OSBP2: variants seen among roughly 807,000 people sequenced by gnomAD.
The protein encoded by OSBP2 is oxysterol-binding protein 2.
A neutral mutation model predicts 96.0 loss-of-function variants in OSBP2; 66 were observed. That is an observed-to-expected ratio of 0.69 (90% CI 0.56 to 0.84). The LOEUF (loss-of-function observed/expected upper bound fraction) is 0.84, where lower values mean the gene tolerates loss of function less well. OSBP2 is among the 40% of genes least tolerant of loss of function. OSBP2 has a pLI of 0.00. For missense variants in OSBP2, 1,038 were observed against 1,222.7 expected, an observed-to-expected ratio of 0.85 and a Z score of 2.25; for synonymous variants, 525 against 520.9, an observed-to-expected ratio of 1.01 and a Z score of -0.11.
intron 2 of OSBP2, among the ~76,000 whole-genome samples, chr22:30,817,126 C>G (rs138260626): frequency 4.2e-4 from 64 of 152,296 alleles, no homozygotes; most frequent in Non-Finnish European, 5.6e-4. Flanking sequence ...CACATTATCA[C>G]AAATTGCTCT....
chr22:30,738,809 GC>G (rs1393856370), intron 1 of OSBP2, among the ~76,000 whole-genome samples: 2 of 152,160 alleles, frequency 1.3e-5, no homozygotes, highest in African/African-American at 2.4e-5. Context: ...TGATCCACCT[GC>G]CTCCTCCTCC....
intron 3 of OSBP2, among the ~76,000 whole-genome samples, chr22:30,880,545 G>A (rs548472832): frequency 2.0e-4 from 30 of 152,262 alleles, no homozygotes; most frequent in African/African-American, 6.3e-4. Context: ...GCAGGCCTCT[G>A]GTGCCTCCCT....
At chr22:30,730,373 C>T (rs557743878) in intron 1 of OSBP2, among the ~76,000 whole-genome samples, 1 of 152,230 alleles carries the variant, frequency 6.6e-6, no homozygotes, top group South Asian at 2.1e-4. Context: ...GAGTGAGCAC[C>T]TCCCTTATTT....
At chr22:30,822,842 G>A (rs1161709117) in intron 2 of OSBP2, 13 of 724,138 alleles carry the variant, frequency 1.8e-5, no homozygotes, top group Non-Finnish European at 2.5e-5. Context: ...GGGAGCGCGG[G>A]GAGCCTCGGG....
intron 2 of OSBP2, among the ~76,000 whole-genome samples, chr22:30,828,134 G>C (rs1038626524): frequency 6.6e-6 from 1 of 152,178 alleles, no homozygotes; most frequent in Non-Finnish European, 1.5e-5. Flanking sequence ...AGGTGATCTG[G>C]GGGGATTCCT....
At chr22:30,792,174 G>A (rs545133707) in intron 2 of OSBP2, among the ~76,000 whole-genome samples, 9 of 152,080 alleles carry the variant, frequency 5.9e-5, no homozygotes, top group Non-Finnish European at 8.8e-5. Flanking sequence ...TTAGCCAGGT[G>A]TGGTGGCACA....
At chr22:30,887,761 G>A in intron 4 of OSBP2, 143 bp downstream of exon 4, 1 of 662,084 alleles carries the variant, frequency 1.5e-6, no homozygotes, top group South Asian at 1.9e-5. Context: ...GCCTCTTCGT[G>A]GTTTTGTATC....
chr22:30,872,118 TGA>T (rs771853432), intron 3 of OSBP2, among the ~76,000 whole-genome samples: 28 of 152,318 alleles, frequency 1.8e-4, no homozygotes, highest in Admixed American at 4.6e-4. Context: ...CCAAGGATGC[TGA>T]GAGGCTGCTG....
chr22:30,795,093 G>T (rs2090738257), intron 2 of OSBP2, among the ~76,000 whole-genome samples: 1 of 151,440 alleles, frequency 6.6e-6, no homozygotes. Context: ...AAATTTTTTT[G>T]TAGAGATGGG....
chr22:30,804,613 T>A (rs1322227145), intron 2 of OSBP2, among the ~76,000 whole-genome samples: 1 of 152,206 alleles, frequency 6.6e-6, no homozygotes, highest in Non-Finnish European at 1.5e-5. Context: ...CCAGGTACCA[T>A]TTGTTTCGCA....
At position 30,902,621 on chromosome 22, in the gene OSBP2, G is replaced by C. The variant is rs1395834098; in HGVS notation, c.2376-3216G>C. 7 of 655,172 alleles carry C rather than the reference G, an allele frequency of 1.1e-5. No individual in the cohort carries two copies. The East Asian group carries it at 2.0e-4, about 19-fold the overall frequency. The allele number at this position is 655,172 out of a possible 1,614,324, so 40.6% of individuals were successfully genotyped here. On this transcript the variant is annotated intron_variant, in intron 12 of 13. Coordinates refer to ENST00000332585, the MANE Select transcript of OSBP2 (RefSeq NM_030758.4). ...GTCCTCCCTTCCACGATCCAACATGGATTTCAAAGAACCGACAGAGGAGGG... is the reference window on the plus strand; with the variant it reads ...GTCCTCCCTTCCACGATCCAACATGCATTTCAAAGAACCGACAGAGGAGGG...
At chr22:30,741,410 T>G (rs1439758531) in intron 2 of OSBP2, 41 bp downstream of exon 2, 3 of 1,513,428 alleles carry the variant, frequency 2.0e-6, no homozygotes, top group Non-Finnish European at 2.7e-6. Context: ...TATGGTGGTG[T>G]CATGAGTCTG....
At chr22:30,895,323 A>G (rs1284900776) in intron 12 of OSBP2, among the ~76,000 whole-genome samples, 1 of 152,226 alleles carries the variant, frequency 6.6e-6, no homozygotes, top group East Asian at 1.9e-4. Flanking sequence ...AAGTAAAAGC[A>G]AAGAGATGAA....
intron 1 of OSBP2, among the ~76,000 whole-genome samples, chr22:30,697,753 A>G (rs2089075047): frequency 6.6e-6 from 1 of 152,096 alleles, no homozygotes; most frequent in African/African-American, 2.4e-5. Flanking sequence ...GGACTTTTCG[A>G]GATTCTAAGA....
rs767794548 is a variant in OSBP2 at position 30,694,929 on chromosome 22, C to T, written c.20C>T (p.Pro7Leu). Residue 7 changes from proline (P) to leucine (L), a missense_variant, in exon 1 of 14, where the codon CCG becomes CTG. This residue lies in a region of OSBP2 where 20 missense variants were observed against 36.0 expected (regional missense o/e 0.55). Transcript: ENST00000332585. Reference protein sequence around the residue: MGKAAAPSRGGGCGGRS... With the variant: MGKAAALSRGGGCGGRS... ...GGCTCTATGGGGAAAGCGGCGGCTCCGAGCCGAGGCGGCGGCTGTGGCGGC... is the reference window on the plus strand; with the variant it reads ...GGCTCTATGGGGAAAGCGGCGGCTCTGAGCCGAGGCGGCGGCTGTGGCGGC... 2.0e-6 allele frequency: 3 copies of T among 1,487,434 alleles called. No individual in the cohort carries two copies. Among genetic ancestry groups the T allele is most frequent in the Middle Eastern group, 2.3e-4 (1 of 4,438 alleles). 92.1% of individuals were successfully genotyped at this position (1,487,434 alleles called of 1,614,324 possible). A position where few individuals can be genotyped will look rare whatever the true frequency, so the allele number is the denominator to read the frequency against.
At chr22:30,836,482 T>C (rs1206977055) in intron 2 of OSBP2, among the ~76,000 whole-genome samples, 1 of 152,188 alleles carries the variant, frequency 6.6e-6, no homozygotes, top group African/African-American at 2.4e-5. Context: ...TGGCCAACAG[T>C]TGAAGACCTT....
chr22:30,794,988 G>A (rs2090736998), intron 2 of OSBP2, among the ~76,000 whole-genome samples: 1 of 149,448 alleles, frequency 6.7e-6, no homozygotes, highest in Non-Finnish European at 1.5e-5. Flanking sequence ...TCTGCTCACT[G>A]CAACCTCCAC....
At chr22:30,751,963 G>A (rs1361780955) in intron 2 of OSBP2, among the ~76,000 whole-genome samples, 1 of 152,064 alleles carries the variant, frequency 6.6e-6, no homozygotes, top group Non-Finnish European at 1.5e-5. Flanking sequence ...TGGTCATCCT[G>A]GGGGAGGCGT....
chr22:30,840,363 C>T (rs767758434), intron 2 of OSBP2, among the ~76,000 whole-genome samples: 1 of 150,900 alleles, frequency 6.6e-6, no homozygotes, highest in Non-Finnish European at 1.5e-5. Flanking sequence ...CCCTTCCTTA[C>T]ACCTTACACC....
Sources: gnomAD v4.1 joint callset for allele counts (sites outside exome capture counted in the v4.1 genomes callset) on GRCh38, gnomAD v4.1.1 for gene constraint, gnomAD v4.1.1 regional missense constraint, MANE v1.5 for transcripts, NCBI Gene and HGNC (gene_info 2026-07-23, HGNC 2026-07-21) for gene names.